Variants in ATRNL1 observed in about 807,000 individuals in gnomAD.
The protein encoded by ATRNL1 is attractin like 1, also known as attractin-like protein 1.
A neutral mutation model predicts 182.7 loss-of-function variants in ATRNL1; 95 were observed. The observed-to-expected ratio is 0.52, with a 90% CI of 0.44 to 0.62. ATRNL1 has a LOEUF of 0.62. Ranked by LOEUF, ATRNL1 falls within the 20% of genes least tolerant of loss-of-function variation. The pLI, the probability that ATRNL1 is intolerant of heterozygous loss-of-function variation, is 0.00. For synonymous variants in ATRNL1, 576 were observed against 568.3 expected, an observed-to-expected ratio of 1.01 and a Z score of -0.19; for missense variants, 1,471 against 1,679.5, an observed-to-expected ratio of 0.88 and a Z score of 2.17.
chr10:115,577,558 C>T (rs1854793863), intron 26 of ATRNL1, among the ~76,000 whole-genome samples: 1 of 149,090 alleles, frequency 6.7e-6, no homozygotes, highest in African/African-American at 2.5e-5. Flanking sequence ...ACTGATCTTA[C>T]CATGTTGATT....
At chr10:115,920,094 A>T (rs1953003213) in intron 28 of ATRNL1, among the ~76,000 whole-genome samples, 1 of 152,166 alleles carries the variant, frequency 6.6e-6, no homozygotes, top group Admixed American at 6.5e-5. Flanking sequence ...TCCTCTTCTC[A>T]TTGAAGTCCA....
intron 8 of ATRNL1, among the ~76,000 whole-genome samples, chr10:115,179,302 G>T (rs1485774427): frequency 6.6e-6 from 1 of 152,038 alleles, no homozygotes; most frequent in African/African-American, 2.4e-5. Context: ...AGATCTGATG[G>T]TGGGAGATGA....
At chr10:115,615,557 C>T (rs1165177313) in intron 26 of ATRNL1, among the ~76,000 whole-genome samples, 2 of 152,060 alleles carry the variant, frequency 1.3e-5, no homozygotes, top group Admixed American at 1.3e-4. Flanking sequence ...TGTCCCCATC[C>T]AAATCTAATG....
chr10:115,774,198 C>T (rs894215961), intron 27 of ATRNL1, among the ~76,000 whole-genome samples: 2 of 151,930 alleles, frequency 1.3e-5, no homozygotes, highest in Non-Finnish European at 2.9e-5. Context: ...GAGGCCGAGG[C>T]GGGCAGATCA....
intron 27 of ATRNL1, among the ~76,000 whole-genome samples, chr10:115,836,301 T>TA (rs1950670274): frequency 6.6e-6 from 1 of 152,152 alleles, no homozygotes; most frequent in Admixed American, 6.5e-5. Flanking sequence ...GTATTATACT[T>TA]ATGATCATTT....
rs80112669 is a variant in ATRNL1 at position 115,945,074 on chromosome 10, A to G, written c.*295A>G. On this transcript the variant is annotated 3_prime_UTR_variant, in exon 29 of 29. Coordinates refer to ENST00000355044, the MANE Select transcript of ATRNL1 (RefSeq NM_207303.4). Reference sequence around the variant, plus strand: ...TTGTTTCTTAATGAAGATGAAAAATATGTAATTCATATAAATCAACTGTTT... The same window carrying G: ...TTGTTTCTTAATGAAGATGAAAAATGTGTAATTCATATAAATCAACTGTTT... 0.015 allele frequency: 3,057 copies of G among 202,306 alleles called. 90 individuals carry two copies. The highest frequency in any genetic ancestry group is 0.066 in the African/African-American group (2,864 of 43,508). The allele number at this position is 202,306 out of a possible 1,614,324, so 12.5% of individuals were successfully genotyped here. A position where few individuals can be genotyped will look rare whatever the true frequency, so the allele number is the denominator to read the frequency against.
intron 26 of ATRNL1, among the ~76,000 whole-genome samples, chr10:115,654,194 G>A (rs1475405581): frequency 6.6e-6 from 1 of 151,968 alleles, no homozygotes; most frequent in African/African-American, 2.4e-5. Context: ...GTTGTAGACA[G>A]AATGGAAATC....
At chr10:115,732,864 C>T (rs1555063602) in intron 27 of ATRNL1, among the ~76,000 whole-genome samples, 1 of 152,048 alleles carries the variant, frequency 6.6e-6, no homozygotes, top group African/African-American at 2.4e-5. Flanking sequence ...ATTCCAGGTG[C>T]TCAAATAGTC....
chr10:115,456,509 A>G (rs1847530507), intron 21 of ATRNL1, among the ~76,000 whole-genome samples: 1 of 152,138 alleles, frequency 6.6e-6, no homozygotes, highest in Non-Finnish European at 1.5e-5. Context: ...GGTGAAGAAT[A>G]GCGTTAGGAG....
At chr10:115,882,762 T>G (rs1555108905) in intron 28 of ATRNL1, among the ~76,000 whole-genome samples, 2 of 152,236 alleles carry the variant, frequency 1.3e-5, no homozygotes, top group Non-Finnish European at 2.9e-5. Context: ...TTGCTCATTC[T>G]GGTGCAGTGG....
intron 5 of ATRNL1, among the ~76,000 whole-genome samples, chr10:115,133,307 C>T (rs1426201410): frequency 6.6e-6 from 1 of 152,064 alleles, no homozygotes; most frequent in African/African-American, 2.4e-5. Context: ...GTTTTGATAC[C>T]AGTACCATGC....
intron 25 of ATRNL1, among the ~76,000 whole-genome samples, chr10:115,543,085 T>C (rs1172421602): frequency 1.3e-5 from 2 of 152,204 alleles, no homozygotes; most frequent in African/African-American, 4.8e-5. Context: ...CCAGGGAGTG[T>C]AAACTTCATG....
chr10:115,587,808 A>C (rs537397683), intron 26 of ATRNL1, among the ~76,000 whole-genome samples: 1 of 152,208 alleles, frequency 6.6e-6, no homozygotes, highest in Admixed American at 6.5e-5. Context: ...TTGACACTAA[A>C]CTTTTAAAGT....
At chr10:115,850,517 TTTGGGAACCATATTGGCTC>T (rs576726628) in intron 28 of ATRNL1, among the ~76,000 whole-genome samples, 391 of 152,316 alleles carry the variant, frequency 2.6e-3, no homozygotes, top group Non-Finnish European at 4.5e-3. Flanking sequence ...CCAGTGATTA[TTTGGGAACCATATTGGCTC>T]TTGGGAACCA....
intron 26 of ATRNL1, among the ~76,000 whole-genome samples, chr10:115,556,266 A>G (rs1340560194): frequency 1.3e-5 from 2 of 152,156 alleles, no homozygotes; most frequent in Admixed American, 6.5e-5. Context: ...ACTTATTGAA[A>G]GAGCTCTTAT....
At chr10:115,809,495 G>T (rs782224509) in intron 27 of ATRNL1, among the ~76,000 whole-genome samples, 1 of 151,924 alleles carries the variant, frequency 6.6e-6, no homozygotes, top group Non-Finnish European at 1.5e-5. Context: ...TTTAACTTCT[G>T]TCAGTAATGG....
At chr10:115,455,656 G>C (rs535642144) in intron 21 of ATRNL1, among the ~76,000 whole-genome samples, 1 of 152,264 alleles carries the variant, frequency 6.6e-6, no homozygotes, top group South Asian at 2.1e-4. Flanking sequence ...AAACCAAAGA[G>C]CTTCTGCACA....
intron 18 of ATRNL1, among the ~76,000 whole-genome samples, chr10:115,327,980 A>G (rs1855002150): frequency 6.6e-6 from 1 of 152,064 alleles, no homozygotes; most frequent in Non-Finnish European, 1.5e-5. Context: ...AGATATACCT[A>G]ATGCTAGATG....
chr10:115,320,832 G>A (rs1460835861), intron 18 of ATRNL1, among the ~76,000 whole-genome samples: 5 of 151,872 alleles, frequency 3.3e-5, no homozygotes, highest in Admixed American at 6.6e-5. Flanking sequence ...TTAGCTCAGC[G>A]TAGTTTTTTA....
Sources: gnomAD v4.1 joint callset for allele counts (sites outside exome capture counted in the v4.1 genomes callset) on GRCh38, gnomAD v4.1.1 for gene constraint, MANE v1.5 for transcripts, NCBI Gene and HGNC (gene_info 2026-07-23, HGNC 2026-07-21) for gene names.